The following RPL7L1 variants were observed in gnomAD, a reference collection of about 807,000 sequenced individuals.
RPL7L1 encodes ribosomal protein L7 like 1, also known as ribosomal protein uL30-like.
In RPL7L1, 20 loss-of-function variants were observed where a neutral mutation model predicts 30.3. The observed-to-expected ratio is 0.66, with a 90% CI of 0.46 to 0.96. The LOEUF (loss-of-function observed/expected upper bound fraction) is 0.96, where lower values mean the gene tolerates loss of function less well. Among genes scored for constraint, RPL7L1 ranks in the 40% least tolerant of loss-of-function variants. RPL7L1 has a pLI of 0.00. For missense variants in RPL7L1, 271 were observed against 314.9 expected (o/e 0.86, Z 1.05); for synonymous variants, 107 against 110.1 (o/e 0.97, Z 0.18).
rs1034007098 is a variant in RPL7L1, at chr6:42,879,776, C to A, written c.-135C>A. 1.2e-6 allele frequency: 1 copy of A among 823,518 alleles called. No individual in the cohort carries two copies. Among genetic ancestry groups the A allele is most frequent in the African/African-American group, 1.7e-5 (1 of 59,210 alleles). 51.0% of individuals were successfully genotyped at this position (823,518 alleles called of 1,614,324 possible). A position where few individuals can be genotyped will look rare whatever the true frequency, so the allele number is the denominator to read the frequency against. ...AAGCGGTGCAACTTTTGGCAGGAAT[C>A]GGGGTTAGCGGGACCTCAAGGGCTC... On this transcript the variant is annotated 5_prime_UTR_variant, in exon 1 of 6. Coordinates refer to ENST00000493763, the MANE Select transcript of RPL7L1 (RefSeq NM_001366481.3).
At chr6:42,884,821 C>G in intron 4 of RPL7L1, 71 bp downstream of exon 4, 1 of 1,432,580 alleles carries the variant, frequency 7.0e-7, no homozygotes, top group African/African-American at 1.4e-5. Flanking sequence ...CCGGGTATTG[C>G]TTTCCAGGGC....
At position 42,889,532 on chromosome 6, in the gene RPL7L1, T is replaced by TA. The variant is rs1302455947; in HGVS notation, c.*3069dup. The TA allele has an allele frequency of 6.6e-6, 1 of 152,544 alleles. No individual in the cohort carries two copies. Among genetic ancestry groups the TA allele is most frequent in the Admixed American group, 6.5e-5 (1 of 15,268 alleles). The allele number at this position is 152,544 out of a possible 1,614,324, so 9.4% of individuals were successfully genotyped here. On this transcript the variant is annotated 3_prime_UTR_variant, in exon 6 of 6. Transcript: ENST00000493763. ...TGCCAAGAAGAGATGCTATAGATGT[T>TA]ACTCCTATACTGTAAAACATTGTGA...
intron 2 of RPL7L1, chr6:42,883,158 C>T (rs1015067261): frequency 1.8e-5 from 4 of 226,378 alleles, no homozygotes; most frequent in Non-Finnish European, 3.5e-5. Flanking sequence ...AAATATTTAA[C>T]ACCTGCAGGC....
chr6:42,880,769 TC>T (rs1481613716), intron 1 of RPL7L1, 91 bp from the exon 2 acceptor site: 27 of 668,274 alleles, frequency 4.0e-5, no homozygotes, highest in Non-Finnish European at 6.5e-5. Flanking sequence ...CACCTCGGCC[TC>T]CCAGAGTGCT....
intron 2 of RPL7L1, chr6:42,881,257 A>C (rs932294735): frequency 1.0e-5 from 2 of 193,070 alleles, no homozygotes; most frequent in Non-Finnish European, 2.1e-5. Flanking sequence ...CGAGGTCAGG[A>C]GATCGAGACC....
At position 42,884,655 on chromosome 6, in the gene RPL7L1, A is replaced by C. The variant is rs1481939756; in HGVS notation, c.354A>C (p.Arg118Ser). 1.2e-6 allele frequency: 2 copies of C among 1,613,720 alleles called. No homozygotes were observed. Among genetic ancestry groups the C allele is most frequent in the Non-Finnish European group, 1.7e-6 (2 of 1,179,900 alleles). Residue 118 changes from arginine (R) to serine (S), a missense_variant, in exon 4 of 6, where the codon AGA (arginine) becomes AGC (serine). Physicochemically the swap from Arg to Ser is moderately radical, Grantham distance 110. Coordinates refer to ENST00000493763, the MANE Select transcript of RPL7L1 (RefSeq NM_001366481.3). Reference sequence around the variant, plus strand: ...TACTGGTGCAGAGAACCATTGCAAGACTTCGCCTAAAGAAAATTTTTAGTG... The same window carrying C: ...TACTGGTGCAGAGAACCATTGCAAGCCTTCGCCTAAAGAAAATTTTTAGTG... ...VSLLVQRTIA[R>S]LRLKKIFSGV...
intron 4 of RPL7L1, among the ~76,000 whole-genome samples, chr6:42,885,373 G>C (rs1366495153): frequency 6.6e-6 from 1 of 150,618 alleles, no homozygotes; most frequent in Non-Finnish European, 1.5e-5. Context: ...ACGAGGTCGG[G>C]AGATCGAGAC....
rs1289733528 is a variant in RPL7L1 at position 42,889,258 on chromosome 6, T to TG, written c.*2796dup. Reference sequence around the variant, plus strand: ...GAGTTCGAGACCAGCCTGACCAACATGGAGAAATTCTGTCCCTACTGAAAA... The same window carrying TG: ...GAGTTCGAGACCAGCCTGACCAACATGGGAGAAATTCTGTCCCTACTGAAAA... On this transcript the variant is annotated 3_prime_UTR_variant, in exon 6 of 6. Transcript: ENST00000493763. 1 of 152,076 alleles carries TG rather than the reference T, an allele frequency of 6.6e-6. No homozygotes were observed. Among genetic ancestry groups the TG allele is most frequent in the African/African-American group, 2.4e-5 (1 of 41,382 alleles). The allele number at this position is 152,076 out of a possible 1,614,324, so 9.4% of individuals were successfully genotyped here. A position where few individuals can be genotyped will look rare whatever the true frequency, so the allele number is the denominator to read the frequency against.
Position 42,886,279 on chromosome 6 carries a change from G to A in RPL7L1, c.583G>A (p.Glu195Lys). ...AGGGAAGTTTGGCGTCATTTGCTTG[G>A]AAGACCTCATTCATGAAATTGCCTT... ...HLGKFGVICL[E>K]DLIHEIAFPG... Residue 195 changes from glutamate to lysine, a missense_variant, in exon 6 of 6, where the codon GAA becomes AAA. Coordinates refer to ENST00000493763, the MANE Select transcript of RPL7L1 (RefSeq NM_001366481.3). 6.2e-7 allele frequency: 1 copy of A among 1,611,624 alleles called. No homozygotes were observed. Among genetic ancestry groups the A allele is most frequent in the Non-Finnish European group, 8.5e-7 (1 of 1,179,650 alleles).
rs761461030 is a variant in RPL7L1, at chr6:42,886,332, A to T, written c.636A>T (p.Ser212=). The part of the protein sequence containing the change: ...AFPGKHFQEI[S]WFLCPFHLSV... ...CAGGGAAGCATTTCCAGGAGATCTC[A>T]TGGTTCTTGTGCCCTTTCCACCTCT... Residue 212 remains serine, a synonymous_variant, in exon 6 of 6, where the codon TCA becomes TCT. Coordinates refer to ENST00000493763, the MANE Select transcript of RPL7L1 (RefSeq NM_001366481.3). The T allele has an allele frequency of 1.2e-6, 2 of 1,608,386 alleles. No homozygotes were observed. Among genetic ancestry groups the T allele is most frequent in the South Asian group, 1.1e-5 (1 of 90,984 alleles).
chr6:42,881,140 A>G, intron 2 of RPL7L1, 174 bp downstream of exon 2: 1 of 549,630 alleles, frequency 1.8e-6, no homozygotes. Flanking sequence ...ACAGATGCCT[A>G]AATCTCAGAC....
chr6:42,883,731 T>G (rs1032095724), intron 3 of RPL7L1, 117 bp downstream of exon 3: 1 of 768,878 alleles, frequency 1.3e-6, no homozygotes, highest in Non-Finnish European at 2.0e-6. Flanking sequence ...TGTGCTAGGA[T>G]GTCAGGGTTG....
chr6:42,888,073 C>T lies in RPL7L1; in HGVS notation c.*1609C>T, dbSNP rs1233485715. On this transcript the variant is annotated 3_prime_UTR_variant, in exon 6 of 6. Coordinates refer to ENST00000493763, the MANE Select transcript of RPL7L1 (RefSeq NM_001366481.3). ...CAGGATTTGAGAATGAGGACCCCTTCGCCAGGAAAACATGTATACACTCAA... is the reference window on the plus strand; with the variant it reads ...CAGGATTTGAGAATGAGGACCCCTTTGCCAGGAAAACATGTATACACTCAA... 1.3e-5 allele frequency: 2 copies of T among 151,656 alleles called. No individual in the cohort carries two copies. The allele number at this position is 151,656 out of a possible 1,614,324, so 9.4% of individuals were successfully genotyped here. A position where few individuals can be genotyped will look rare whatever the true frequency, so the allele number is the denominator to read the frequency against.
rs1157859671 is a variant in RPL7L1, at chr6:42,886,721, C to G, written c.*257C>G. ...ACTAAAAACTGTATTGCTGGCCGGGCGCGGTGGCTCACGCCTGTAATCCCA... is the reference window on the plus strand; with the variant it reads ...ACTAAAAACTGTATTGCTGGCCGGGGGCGGTGGCTCACGCCTGTAATCCCA... On this transcript the variant is annotated 3_prime_UTR_variant, in exon 6 of 6. Transcript: ENST00000493763. 1.9e-5 allele frequency: 7 copies of G among 366,118 alleles called. No homozygotes were observed. The East Asian group carries it at 4.2e-4, about 22-fold the overall frequency. 22.7% of individuals were successfully genotyped at this position (366,118 alleles called of 1,614,324 possible).
Position 42,885,663 on chromosome 6 carries a change from G to A in RPL7L1, c.450-311G>A, listed in dbSNP as rs541881896. The A allele has an allele frequency of 6.3e-4, 160 of 253,290 alleles. 1 individual carries two copies. The highest frequency in any genetic ancestry group is 4.6e-3 in the Admixed American group (100 of 21,606). The allele number at this position is 253,290 out of a possible 1,614,324, so 15.7% of individuals were successfully genotyped here. ...ACTCTTGCACCATCTTGAGTAGAGG[G>A]TCACCTAAGGCCAGAGTCGTAGCCC... On this transcript the variant is annotated intron_variant, in intron 4 of 5. Transcript: ENST00000493763.
chr6:42,883,691 G>C, intron 3 of RPL7L1, 77 bp downstream of exon 3: 2 of 1,246,856 alleles, frequency 1.6e-6, no homozygotes, highest in East Asian at 2.4e-5. Flanking sequence ...TTTCTAGGGA[G>C]ATAATATGCC....
chr6:42,881,028 T>C, intron 2 of RPL7L1, 62 bp downstream of exon 2: 1 of 875,388 alleles, frequency 1.1e-6, no homozygotes, highest in Non-Finnish European at 1.9e-6. Flanking sequence ...TTATCCCGCA[T>C]GTGTTGGACT....
intron 1 of RPL7L1, chr6:42,880,606 G>T: frequency 3.0e-6 from 1 of 330,060 alleles, no homozygotes; most frequent in Non-Finnish European, 5.6e-6. Flanking sequence ...TCCGCCTCCC[G>T]GGTTCAAGCG....
chr6:42,886,896 A>G lies in RPL7L1; in HGVS notation c.*432A>G. 6.2e-6 allele frequency: 1 copy of G among 162,364 alleles called. No homozygotes were observed. The highest frequency in any genetic ancestry group is 1.4e-5 in the Non-Finnish European group (1 of 73,914). 10.1% of individuals were successfully genotyped at this position (162,364 alleles called of 1,614,324 possible). On this transcript the variant is annotated 3_prime_UTR_variant, in exon 6 of 6. Coordinates refer to ENST00000493763, the MANE Select transcript of RPL7L1 (RefSeq NM_001366481.3). ...GTAGTCCCAGCTACTCGAGAGGCTA[A>G]GGCAGGAAAATCGCTTGAACCCAGG...
Sources: gnomAD v4.1 joint callset for allele counts (sites outside exome capture counted in the v4.1 genomes callset) on GRCh38, gnomAD v4.1.1 for gene constraint, MANE v1.5 for transcripts, NCBI Gene and HGNC (gene_info 2026-07-23, HGNC 2026-07-21) for gene names.